ORC3: variants seen among roughly 807,000 people sequenced by gnomAD.
The protein encoded by ORC3 is origin recognition complex subunit 3, also known as homolog of latheo, Drosophila.
ORC3 carries 78 observed loss-of-function variants against 100.7 expected under a neutral mutation model. That is an observed-to-expected ratio of 0.77 (90% CI 0.65 to 0.94). ORC3 has a LOEUF of 0.94. Among genes scored for constraint, ORC3 ranks in the 40% least tolerant of loss-of-function variants. ORC3 has a pLI of 0.00. For synonymous variants in ORC3, 295 were observed against 289.3 expected (o/e 1.02, Z -0.20); for missense variants, 789 against 823.9 (o/e 0.96, Z 0.52).
intron 11 of ORC3, among the ~76,000 whole-genome samples, chr6:87,632,024 C>T (rs1767460526): frequency 6.6e-6 from 1 of 151,950 alleles, no homozygotes; most frequent in African/African-American, 2.4e-5. Flanking sequence ...ATTAACCAGG[C>T]ATTATGGCAG....
At chr6:87,602,917 T>TATATTAC (rs1778026284) in intron 3 of ORC3, among the ~76,000 whole-genome samples, 1 of 109,812 alleles carries the variant, frequency 9.1e-6, no homozygotes, top group Non-Finnish European at 1.8e-5. Flanking sequence ...ATATATTATA[T>TATATTAC]ATATATATAC....
At chr6:87,616,981 A>AG (rs1453605679) in intron 9 of ORC3, among the ~76,000 whole-genome samples, 1 of 152,076 alleles carries the variant, frequency 6.6e-6, no homozygotes, top group East Asian at 1.9e-4. Context: ...TATATTTAGT[A>AG]GAAACAGGGC....
At chr6:87,593,582 T>C (rs1179016449) in intron 1 of ORC3, among the ~76,000 whole-genome samples, 1 of 152,242 alleles carries the variant, frequency 6.6e-6, no homozygotes, top group African/African-American at 2.4e-5. Context: ...GAGAAGTATG[T>C]AGAGTGAAAC....
chr6:87,636,167 C>T lies in ORC3; in HGVS notation c.1303-240C>T, dbSNP rs190510230. 6.4e-4 allele frequency among the ~76,000 whole-genome samples: 97 copies of T among 152,188 alleles called. 1 individual carries two copies. In the East Asian group the frequency reaches 0.018, roughly 28 times the overall value. ...CAGGATGGTCTCGATCTTCTGACCT[C>T]CTGATCCGCCCGCCTCAGCCTCCCA... On this transcript the variant is annotated intron_variant, in intron 12 of 19. Coordinates refer to ENST00000392844, the MANE Select transcript of ORC3 (RefSeq NM_012381.4).
At chr6:87,611,339 CA>C (rs1408013280) in intron 7 of ORC3, among the ~76,000 whole-genome samples, 1 of 152,018 alleles carries the variant, frequency 6.6e-6, no homozygotes, top group Non-Finnish European at 1.5e-5. Flanking sequence ...GTACATAGTA[CA>C]AAATAGTGAC....
chr6:87,590,154 A>C lies in ORC3; in HGVS notation c.-15A>C. On this transcript the variant is annotated 5_prime_UTR_variant, in exon 1 of 20. Transcript: ENST00000392844. ...AATCCCGAGTGCATCTGGAATACGC[A>C]GAGTCAGTAAGACCATGGCTACGTC... 6.2e-7 allele frequency: 1 copy of C among 1,611,612 alleles called. No individual in the cohort carries two copies. The highest frequency in any genetic ancestry group is 8.5e-7 in the Non-Finnish European group (1 of 1,179,778).
chr6:87,672,562 G>C, the ORC3 span, among the ~76,000 whole-genome samples: 1 of 152,166 alleles, frequency 6.6e-6, no homozygotes, highest in South Asian at 2.1e-4. Context: ...ACCAATTACT[G>C]TAAGAGTTTG....
At chr6:87,592,570 A>T (rs750126079) in intron 1 of ORC3, among the ~76,000 whole-genome samples, 11 of 152,100 alleles carry the variant, frequency 7.2e-5, no homozygotes, top group Non-Finnish European at 1.5e-4. Flanking sequence ...TAGAGGTTAC[A>T]GTGAGCCAAG....
Position 87,644,076 on chromosome 6 carries a change from GTCCTTTTTT to G in ORC3, c.1382+7592_1382+7600del, listed in dbSNP as rs1239185721. Among the ~76,000 whole-genome samples the G allele has an allele frequency of 1.2e-3, 118 of 99,678 alleles. 4 individuals are homozygous for G. The highest frequency in any genetic ancestry group is 4.9e-3 in the African/African-American group (113 of 22,934). 65.4% of individuals were successfully genotyped at this position (99,678 alleles called of 152,430 possible). A position where few individuals can be genotyped will look rare whatever the true frequency, so the allele number is the denominator to read the frequency against. ...GACCCACAGATACAGATGGCTGACT[GTCCTTTTTT>G]TTTTTTTTTTTTTTTTTTTTTTTTT... On this transcript the variant is annotated intron_variant, in intron 13 of 19. Transcript: ENST00000392844.
chr6:87,616,967 T>C, intron 9 of ORC3, among the ~76,000 whole-genome samples: 1 of 152,062 alleles, frequency 6.6e-6, no homozygotes. Flanking sequence ...CTGGCTAATT[T>C]TTGTATATTT....
rs1204704291 is a variant in ORC3 at position 87,667,271 on chromosome 6, A to G, written c.*148A>G. On this transcript the variant is annotated 3_prime_UTR_variant, in exon 20 of 20. Transcript: ENST00000392844. ...GTTTAACCAGAAAAGTACATTGCTA[A>G]CCCCAAACAGGCATGTATCAAAACA... 1 of 541,326 alleles carries G rather than the reference A, an allele frequency of 1.8e-6. No homozygotes were observed. The highest frequency in any genetic ancestry group is 1.9e-5 in the African/African-American group (1 of 52,048). The allele number at this position is 541,326 out of a possible 1,614,324, so 33.5% of individuals were successfully genotyped here.
At chr6:87,597,977 A>G (rs1418518216) in intron 2 of ORC3, among the ~76,000 whole-genome samples, 1 of 152,164 alleles carries the variant, frequency 6.6e-6, no homozygotes, top group African/African-American at 2.4e-5. Context: ...ATCATCACCA[A>G]TGTAATTATA....
the ORC3 span, among the ~76,000 whole-genome samples, chr6:87,676,814 C>T: frequency 0.012 from 1,844 of 148,732 alleles, 40 homozygotes; most frequent in African/African-American, 0.042. Context: ...TGGTGGCTTA[C>T]GCCTGTAATC....
chr6:87,621,886 T>C (rs1006761314), intron 10 of ORC3, 64 bp from the exon 11 acceptor site: 22 of 1,111,682 alleles, frequency 2.0e-5, no homozygotes, highest in South Asian at 1.7e-4. Context: ...TTTCCCAATA[T>C]GCTATTTAAA....
Position 87,594,419 on chromosome 6 carries a change from G to T in ORC3, c.79+12G>T, listed in dbSNP as rs1554233570. On this transcript the variant is annotated intron_variant, in intron 2 of 19. Transcript: ENST00000392844. ...CTCTCTGCCAATAGGTAAGGTGTCT[G>T]AATATTAAATTTTTTATTCCCTACC... The T allele has an allele frequency of 1.3e-6, 2 of 1,558,712 alleles. No homozygotes were observed. Among genetic ancestry groups the T allele is most frequent in the Admixed American group, 3.5e-5 (2 of 56,990 alleles).
At chr6:87,598,909 A>C (rs146885381) in intron 2 of ORC3, among the ~76,000 whole-genome samples, 1 of 152,186 alleles carries the variant, frequency 6.6e-6, no homozygotes, top group South Asian at 2.1e-4. Flanking sequence ...TAAGACTGGT[A>C]ACTCTCCCTC....
chr6:87,644,447 C>T (rs1341257834), intron 13 of ORC3, among the ~76,000 whole-genome samples: 4 of 151,810 alleles, frequency 2.6e-5, no homozygotes, highest in Non-Finnish European at 4.4e-5. Flanking sequence ...TGGCTCATGC[C>T]TATAATCCCA....
chr6:87,657,861 T>C, intron 15 of ORC3, 60 bp from the exon 16 acceptor site: 1 of 865,386 alleles, frequency 1.2e-6, no homozygotes, highest in East Asian at 2.4e-5. Context: ...CCAACAGAGC[T>C]CCCTCTGAGG....
At chr6:87,630,686 G>A (rs1175808842) in intron 11 of ORC3, among the ~76,000 whole-genome samples, 1 of 152,132 alleles carries the variant, frequency 6.6e-6, no homozygotes, top group South Asian at 2.1e-4. Context: ...CGTGGGAAGT[G>A]GAGTCAAAAT....
Sources: allele counts gnomAD v4.1 joint callset (sites outside exome capture counted in the v4.1 genomes callset), GRCh38; gene constraint gnomAD v4.1.1; transcripts MANE v1.5; gene names NCBI Gene and HGNC (gene_info 2026-07-23, HGNC 2026-07-21).